Variants in GPBP1 observed in about 807,000 individuals in gnomAD.
GPBP1 encodes GC-rich promoter binding protein 1.
In GPBP1, 13 loss-of-function variants were observed where a neutral mutation model predicts 56.5. That is an observed-to-expected ratio of 0.23 (90% CI 0.15 to 0.37). The LOEUF is 0.37. Ranked by LOEUF, GPBP1 falls within the 10% of genes least tolerant of loss-of-function variation. GPBP1 has a pLI of 1.00. For missense variants in GPBP1, 477 were observed against 572.3 expected (o/e 0.83, Z 1.70); for synonymous variants, 204 against 188.9 (o/e 1.08, Z -0.66).
intron 10 of GPBP1, among the ~76,000 whole-genome samples, chr5:57,255,048 A>T (rs898581113): frequency 1.3e-5 from 2 of 152,186 alleles, no homozygotes; most frequent in Non-Finnish European, 2.9e-5. Context: ...ACATAAACAG[A>T]TATTTCAGAA....
At chr5:57,219,846 A>C (rs1003720205) in intron 3 of GPBP1, among the ~76,000 whole-genome samples, 2 of 152,044 alleles carry the variant, frequency 1.3e-5, no homozygotes, top group African/African-American at 4.8e-5. Flanking sequence ...TGAGGTTGGG[A>C]GTTCGAGACC....
At chr5:57,228,643 G>A (rs1412305008) in intron 3 of GPBP1, among the ~76,000 whole-genome samples, 1 of 151,718 alleles carries the variant, frequency 6.6e-6, no homozygotes, top group Non-Finnish European at 1.5e-5. Flanking sequence ...ATTTTACTCA[G>A]ATTTCAGCGG....
At chr5:57,201,575 G>T (rs1755025415) in intron 2 of GPBP1, among the ~76,000 whole-genome samples, 1 of 152,174 alleles carries the variant, frequency 6.6e-6, no homozygotes, top group African/African-American at 2.4e-5. Flanking sequence ...ACATAGTTCA[G>T]CAGTGTTTTT....
At chr5:57,230,612 G>GA (rs1273616741) in intron 3 of GPBP1, 10 of 469,070 alleles carry the variant, frequency 2.1e-5, no homozygotes, top group South Asian at 2.9e-5. Context: ...ATATTTTTTG[G>GA]AAAAAAAGAT....
chr5:57,246,505 A>G, intron 7 of GPBP1, 21 bp downstream of exon 7: 1 of 1,576,138 alleles, frequency 6.3e-7, no homozygotes. Flanking sequence ...AATTACCACA[A>G]ATGTAAATTT....
chr5:57,228,121 T>C (rs1756276180), intron 3 of GPBP1, among the ~76,000 whole-genome samples: 1 of 152,228 alleles, frequency 6.6e-6, no homozygotes, highest in Non-Finnish European at 1.5e-5. Flanking sequence ...CTTCTTTATA[T>C]GTTTAAATAC....
intron 2 of GPBP1, among the ~76,000 whole-genome samples, chr5:57,190,518 A>G (rs1754474328): frequency 6.6e-6 from 1 of 151,168 alleles, no homozygotes; most frequent in Non-Finnish European, 1.5e-5. Flanking sequence ...CAGGAGGTGG[A>G]GGTTGCAGTG....
At chr5:57,248,536 T>G (rs965644122) in intron 8 of GPBP1, among the ~76,000 whole-genome samples, 4 of 149,608 alleles carry the variant, frequency 2.7e-5, no homozygotes, top group African/African-American at 9.8e-5. Flanking sequence ...CACGCCATTC[T>G]CCTGCCTCAG....
chr5:57,178,283 G>A (rs1753885434), intron 2 of GPBP1, among the ~76,000 whole-genome samples: 1 of 151,846 alleles, frequency 6.6e-6, no homozygotes, highest in African/African-American at 2.4e-5. Context: ...TTGCTCTGTC[G>A]CGTGCCCAGG....
At chr5:57,259,602 A>G (rs1741805438) in intron 10 of GPBP1, among the ~76,000 whole-genome samples, 1 of 152,190 alleles carries the variant, frequency 6.6e-6, no homozygotes, top group South Asian at 2.1e-4. Flanking sequence ...TTAACTGAAG[A>G]AAAATGGGCC....
intron 5 of GPBP1, among the ~76,000 whole-genome samples, chr5:57,235,407 T>C (rs967042115): frequency 4.0e-5 from 6 of 151,780 alleles, no homozygotes; most frequent in African/African-American, 1.5e-4. Flanking sequence ...CTTGAGTTTT[T>C]CTTTTCTTTT....
chr5:57,220,659 C>T (rs1396641903), intron 3 of GPBP1, among the ~76,000 whole-genome samples: 1 of 151,286 alleles, frequency 6.6e-6, no homozygotes, highest in African/African-American at 2.4e-5. Flanking sequence ...GGGGTTTCAT[C>T]ATATTGTCCA....
intron 2 of GPBP1, among the ~76,000 whole-genome samples, chr5:57,195,226 G>A (rs563775443): frequency 6.6e-6 from 1 of 152,226 alleles, no homozygotes; most frequent in South Asian, 2.1e-4. Context: ...CATGATCACA[G>A]CTCACTGCAG....
intron 5 of GPBP1, among the ~76,000 whole-genome samples, chr5:57,231,952 G>C (rs536692566): frequency 6.6e-6 from 1 of 152,038 alleles, no homozygotes; most frequent in African/African-American, 2.4e-5. Context: ...AAGAGAGAGA[G>C]AGCTCATGCC....
chr5:57,175,410 C>A, intron 1 of GPBP1, 38 bp from the exon 2 acceptor site: 2 of 398,048 alleles, frequency 5.0e-6, no homozygotes, highest in South Asian at 2.6e-4. Flanking sequence ...AGCTCAAAAT[C>A]AAAACTCAGT....
At chr5:57,189,927 C>T (rs1258814850) in intron 2 of GPBP1, among the ~76,000 whole-genome samples, 1 of 152,168 alleles carries the variant, frequency 6.6e-6, no homozygotes, top group Non-Finnish European at 1.5e-5. Context: ...CTCTGAGATT[C>T]TCTAACCATT....
chr5:57,213,548 G>T (rs759556272), intron 2 of GPBP1, among the ~76,000 whole-genome samples: 1 of 150,820 alleles, frequency 6.6e-6, no homozygotes, highest in African/African-American at 2.4e-5. Context: ...ACTATTTGTC[G>T]TAGAAACCAG....
chr5:57,232,377 T>C (rs1034472220), intron 5 of GPBP1, among the ~76,000 whole-genome samples: 4 of 152,236 alleles, frequency 2.6e-5, no homozygotes, highest in Non-Finnish European at 4.4e-5. Flanking sequence ...ATGCTAACAT[T>C]CTTAATTATC....
At chr5:57,199,396 A>C (rs1754901414) in intron 2 of GPBP1, among the ~76,000 whole-genome samples, 1 of 152,218 alleles carries the variant, frequency 6.6e-6, no homozygotes, top group Non-Finnish European at 1.5e-5. Context: ...GAGGAGGAGC[A>C]GCCATAGGGA....
Sources: allele counts gnomAD v4.1 joint callset (sites outside exome capture counted in the v4.1 genomes callset), GRCh38; gene constraint gnomAD v4.1.1; transcripts MANE v1.5; gene names NCBI Gene and HGNC (gene_info 2026-07-23, HGNC 2026-07-21).